Variants in TAFA5 observed in about 807,000 individuals in gnomAD.
The protein encoded by TAFA5 is TAFA chemokine like family member 5.
TAFA5 carries 6 observed loss-of-function variants against 15.3 expected under a neutral mutation model. The observed-to-expected ratio is 0.39, with a 90% CI of 0.21 to 0.77. TAFA5 has a LOEUF of 0.77. Ranked by LOEUF, TAFA5 falls within the 30% of genes least tolerant of loss-of-function variation. TAFA5 has a pLI of 0.41. For synonymous variants in TAFA5, 103 were observed against 80.7 expected (o/e 1.28, Z -1.48); for missense variants, 161 against 193.1 (o/e 0.83, Z 0.98).
intron 3 of TAFA5, among the ~76,000 whole-genome samples, chr22:48,726,438 C>T (rs1929717332): frequency 2.0e-5 from 3 of 151,808 alleles, no homozygotes; most frequent in Admixed American, 1.3e-4. Flanking sequence ...ACAATCCAGT[C>T]GTGGTAGTCT....
chr22:48,680,016 T>A (rs944492884), intron 2 of TAFA5, among the ~76,000 whole-genome samples: 4 of 151,922 alleles, frequency 2.6e-5, no homozygotes, highest in African/African-American at 9.7e-5. Flanking sequence ...CCCCCAGGAG[T>A]CACAGAGGCC....
intron 1 of TAFA5, among the ~76,000 whole-genome samples, chr22:48,619,558 G>T (rs1925731844): frequency 6.6e-6 from 1 of 152,214 alleles, no homozygotes; most frequent in Non-Finnish European, 1.5e-5. Flanking sequence ...GTCTTGCCAT[G>T]TTGGCCAGGC....
At chr22:48,549,132 G>T (rs916281) in intron 1 of TAFA5, among the ~76,000 whole-genome samples, 13,882 of 152,262 alleles carry the variant, frequency 0.091, 1,369 homozygotes, top group East Asian at 0.41. Flanking sequence ...CTTTCTCAAA[G>T]GGAATGAGCC....
At chr22:48,505,438 G>A (rs145548217) in intron 1 of TAFA5, among the ~76,000 whole-genome samples, 104 of 152,290 alleles carry the variant, frequency 6.8e-4, no homozygotes, top group African/African-American at 2.4e-3. Context: ...AGATACAGAG[G>A]GTCTCAGAGG....
At chr22:48,715,702 G>T (rs1929382938) in intron 3 of TAFA5, among the ~76,000 whole-genome samples, 1 of 152,174 alleles carries the variant, frequency 6.6e-6, no homozygotes, top group Non-Finnish European at 1.5e-5. Context: ...TGGGTGAGTG[G>T]TGGGGCCTGC....
intron 1 of TAFA5, among the ~76,000 whole-genome samples, chr22:48,636,958 C>T (rs1926472435): frequency 6.6e-6 from 1 of 152,238 alleles, no homozygotes; most frequent in African/African-American, 2.4e-5. Flanking sequence ...ACCCTCCTGG[C>T]CCCTGCCCCA....
chr22:48,649,135 G>A (rs964812545), intron 2 of TAFA5, among the ~76,000 whole-genome samples: 1 of 152,208 alleles, frequency 6.6e-6, no homozygotes, highest in African/African-American at 2.4e-5. Context: ...GCTCTTGGCT[G>A]AAGGGAGCAT....
chr22:48,621,545 G>A (rs1264259272), intron 1 of TAFA5, among the ~76,000 whole-genome samples: 1 of 152,098 alleles, frequency 6.6e-6, no homozygotes, highest in African/African-American at 2.4e-5. Context: ...TTCTCAGAGG[G>A]CATCGGCGGT....
chr22:48,703,277 A>G (rs1265769915), intron 2 of TAFA5, among the ~76,000 whole-genome samples: 1 of 152,176 alleles, frequency 6.6e-6, no homozygotes, highest in South Asian at 2.1e-4. Flanking sequence ...CAGCTACAGC[A>G]TAGGCAGGGC....
intron 3 of TAFA5, among the ~76,000 whole-genome samples, chr22:48,725,622 G>A (rs990509532): frequency 2.0e-5 from 3 of 150,982 alleles, no homozygotes; most frequent in African/African-American, 7.3e-5. Flanking sequence ...TGTAAAAGTA[G>A]AGTTTAGTTG....
intron 1 of TAFA5, among the ~76,000 whole-genome samples, chr22:48,521,231 C>CGCTTTT (rs1921590125): frequency 6.6e-6 from 1 of 152,142 alleles, no homozygotes; most frequent in Non-Finnish European, 1.5e-5. Flanking sequence ...CTCATCTGGG[C>CGCTTTT]ACTTTTAAAA....
At chr22:48,594,888 T>C (rs1454864830) in intron 1 of TAFA5, among the ~76,000 whole-genome samples, 1 of 152,008 alleles carries the variant, frequency 6.6e-6, no homozygotes, top group East Asian at 1.9e-4. Flanking sequence ...TTTTTTTTTT[T>C]TTTTTTGGTG....
At chr22:48,653,539 A>G (rs556068261) in intron 2 of TAFA5, among the ~76,000 whole-genome samples, 1 of 152,286 alleles carries the variant, frequency 6.6e-6, no homozygotes, top group Non-Finnish European at 1.5e-5. Context: ...TGAGGGTACA[A>G]TGGCAACTGT....
chr22:48,539,812 G>A (rs188227750), intron 1 of TAFA5, among the ~76,000 whole-genome samples: 2 of 152,226 alleles, frequency 1.3e-5, no homozygotes, highest in Non-Finnish European at 2.9e-5. Context: ...GACGTGATAC[G>A]TCGGCTGAGA....
At chr22:48,722,984 C>A (rs1929614766) in intron 3 of TAFA5, among the ~76,000 whole-genome samples, 1 of 152,210 alleles carries the variant, frequency 6.6e-6, no homozygotes. Flanking sequence ...TCTCCTCTCT[C>A]CTCCAAACGC....
chr22:48,683,771 G>T (rs1169221536), intron 2 of TAFA5, among the ~76,000 whole-genome samples: 1 of 152,220 alleles, frequency 6.6e-6, no homozygotes, highest in Non-Finnish European at 1.5e-5. Context: ...CACATGTCGA[G>T]GGAGAGAGCT....
At chr22:48,680,057 G>A (rs536988021) in intron 2 of TAFA5, among the ~76,000 whole-genome samples, 11 of 152,300 alleles carry the variant, frequency 7.2e-5, no homozygotes, top group Admixed American at 6.5e-4. Context: ...CGGTTCAACC[G>A]GCACCCACCC....
intron 2 of TAFA5, among the ~76,000 whole-genome samples, chr22:48,658,062 G>A (rs1414502425): frequency 6.6e-6 from 1 of 152,214 alleles, no homozygotes; most frequent in Non-Finnish European, 1.5e-5. Context: ...AGGAAGCCGA[G>A]AGCTGAGGGG....
intron 1 of TAFA5, among the ~76,000 whole-genome samples, chr22:48,630,515 C>G (rs1368223057): frequency 6.6e-6 from 1 of 152,190 alleles, no homozygotes; most frequent in Non-Finnish European, 1.5e-5. Context: ...GTGTCCACAA[C>G]TTTCCAGCCT....
Sources: allele counts gnomAD v4.1 joint callset (sites outside exome capture counted in the v4.1 genomes callset), GRCh38; gene constraint gnomAD v4.1.1; transcripts MANE v1.5; gene names NCBI Gene and HGNC (gene_info 2026-07-23, HGNC 2026-07-21).